Variants in LRRC37A2 observed in about 807,000 individuals in gnomAD.
LRRC37A2 encodes leucine rich repeat containing 37 member A2, also known as leucine-rich repeat-containing protein 37A2.
A neutral mutation model predicts 68.8 loss-of-function variants in LRRC37A2; 9 were observed. That is an observed-to-expected ratio of 0.13 (90% CI 0.08 to 0.23). LRRC37A2 has a LOEUF of 0.23. LRRC37A2 is among the 10% of genes least tolerant of loss of function. LRRC37A2 has a pLI of 1.00. For synonymous variants in LRRC37A2, 63 were observed against 367.6 expected, an observed-to-expected ratio of 0.17 and a Z score of 9.48; for missense variants, 168 against 950.4, an observed-to-expected ratio of 0.18 and a Z score of 10.82.
the LRRC37A2 span, among the ~76,000 whole-genome samples, chr17:46,804,966 T>C: frequency 8.4e-6 from 1 of 119,566 alleles, no homozygotes; most frequent in African/African-American, 3.2e-5. Flanking sequence ...TGGGTCGCCT[T>C]CCATGCTGTG....
the LRRC37A2 span, chr17:46,940,376 G>T: frequency 2.3e-5 from 35 of 1,521,260 alleles, no homozygotes; most frequent in Non-Finnish European, 3.1e-5. Context: ...AGCAGTGACT[G>T]GAGGGTGGAC....
the LRRC37A2 span, among the ~76,000 whole-genome samples, chr17:46,859,166 G>C: frequency 1.3e-5 from 2 of 151,820 alleles, no homozygotes; most frequent in African/African-American, 2.4e-5. Context: ...AGTGGAGATG[G>C]GGTTTCACCA....
intron 6 of LRRC37A2, among the ~76,000 whole-genome samples, chr17:46,534,834 A>G (rs1377574569): frequency 6.8e-6 from 1 of 146,856 alleles, no homozygotes; most frequent in African/African-American, 2.7e-5. Flanking sequence ...GCTGGCCCCC[A>G]CCTCCCTCCC....
At chr17:46,784,466 T>C in the LRRC37A2 span, among the ~76,000 whole-genome samples, 2 of 151,098 alleles carry the variant, frequency 1.3e-5, no homozygotes, top group Non-Finnish European at 2.9e-5. Flanking sequence ...GGGCACACGG[T>C]GGGAGGACAC....
chr17:46,779,103 A>ACACACACACACACACCCCCC, the LRRC37A2 span, among the ~76,000 whole-genome samples: 11 of 133,660 alleles, frequency 8.2e-5, no homozygotes, highest in Admixed American at 1.6e-4. Context: ...ACACACACAC[A>ACACACACACACACACCCCCC]CCCCAGCCCA....
chr17:46,716,891 A>G, the LRRC37A2 span, among the ~76,000 whole-genome samples: 1 of 152,196 alleles, frequency 6.6e-6, no homozygotes, highest in Non-Finnish European at 1.5e-5. Context: ...AATATTATGA[A>G]CTTTTTTCAG....
At chr17:46,865,893 C>T in the LRRC37A2 span, among the ~76,000 whole-genome samples, 4 of 152,088 alleles carry the variant, frequency 2.6e-5, no homozygotes, top group South Asian at 2.1e-4. Flanking sequence ...ACTACAGGTG[C>T]GCGCCACAAT....
chr17:46,409,287 T>C, the LRRC37A2 span, among the ~76,000 whole-genome samples: 1 of 150,974 alleles, frequency 6.6e-6, no homozygotes, highest in Non-Finnish European at 1.5e-5. Flanking sequence ...GATACAGTCT[T>C]CTTTTTTTTT....
the LRRC37A2 span, chr17:46,936,617 G>C: frequency 1.0e-6 from 1 of 985,370 alleles, no homozygotes; most frequent in Non-Finnish European, 1.2e-6. Flanking sequence ...CTGATGACTG[G>C]GGCCAATTTG....
At chr17:46,767,602 A>G in the LRRC37A2 span, among the ~76,000 whole-genome samples, 7 of 152,218 alleles carry the variant, frequency 4.6e-5, no homozygotes, top group African/African-American at 1.7e-4. Flanking sequence ...ACAGGAAGTT[A>G]CTGACAAAGT....
the LRRC37A2 span, chr17:46,757,165 A>G: frequency 6.6e-6 from 1 of 152,178 alleles, no homozygotes; most frequent in Non-Finnish European, 1.5e-5. Flanking sequence ...TGCCATTTGT[A>G]TACTTTTGGT....
the LRRC37A2 span, chr17:46,934,935 G>A: frequency 6.2e-6 from 7 of 1,121,136 alleles, no homozygotes; most frequent in South Asian, 3.7e-5. Context: ...CCCTCCGGCT[G>A]TTCTGGCTTG....
At chr17:46,907,959 G>A in the LRRC37A2 span, among the ~76,000 whole-genome samples, 1 of 152,080 alleles carries the variant, frequency 6.6e-6, no homozygotes, top group Admixed American at 6.6e-5. Flanking sequence ...ACTCCATTTG[G>A]GAATGGCCGG....
At chr17:46,822,467 C>G in the LRRC37A2 span, among the ~76,000 whole-genome samples, 1 of 152,230 alleles carries the variant, frequency 6.6e-6, no homozygotes, top group South Asian at 2.1e-4. Flanking sequence ...CGCAGGTGCA[C>G]GCGGAGGTCG....
the LRRC37A2 span, chr17:46,978,378 T>TA: frequency 2.5e-6 from 1 of 393,814 alleles, no homozygotes; most frequent in Non-Finnish European, 4.3e-6. Flanking sequence ...CCGAACGTCT[T>TA]AAAAAACAAA....
chr17:46,984,307 T>A, the LRRC37A2 span, among the ~76,000 whole-genome samples: 9 of 142,552 alleles, frequency 6.3e-5, no homozygotes, highest in East Asian at 1.9e-3. Context: ...TTGGCATATG[T>A]GTATGTGTTG....
chr17:46,599,879 T>A, the LRRC37A2 span, among the ~76,000 whole-genome samples: 1 of 102,656 alleles, frequency 9.7e-6, no homozygotes. Context: ...AAAATAATAA[T>A]AATAAATAAA....
chr17:46,791,354 C>T, the LRRC37A2 span, among the ~76,000 whole-genome samples: 4 of 152,250 alleles, frequency 2.6e-5, no homozygotes, highest in South Asian at 8.3e-4. Context: ...CAGACGAGGA[C>T]CACCATACCT....
chr17:46,496,760 C>G, the LRRC37A2 span, among the ~76,000 whole-genome samples: 2 of 131,392 alleles, frequency 1.5e-5, no homozygotes, highest in African/African-American at 5.8e-5. Context: ...ACTAAAAATA[C>G]AAAAATTAGC....
Sources: allele counts gnomAD v4.1 joint callset (sites outside exome capture counted in the v4.1 genomes callset), GRCh38; gene constraint gnomAD v4.1.1; transcripts MANE v1.5; gene names NCBI Gene and HGNC (gene_info 2026-07-23, HGNC 2026-07-21).